HERC3: variants seen among roughly 807,000 people sequenced by gnomAD.
HERC3 encodes HECT and RLD domain containing E3 ubiquitin protein ligase 3.
In HERC3, 58 loss-of-function variants were observed where a neutral mutation model predicts 129.9. The ratio of observed to expected loss-of-function variants is 0.45; its 90% confidence interval spans 0.36 to 0.56. The LOEUF is 0.56. Ranked by LOEUF, HERC3 falls within the 20% of genes least tolerant of loss-of-function variation. The probability of loss-of-function intolerance (pLI) is 0.00; values close to 1 mark genes in which losing one functional copy is unlikely to be tolerated. For synonymous variants in HERC3, 430 were observed against 451.0 expected, an observed-to-expected ratio of 0.95 and a Z score of 0.59; for missense variants, 835 against 1,244.2, an observed-to-expected ratio of 0.67 and a Z score of 4.95.
At chr4:88,612,432 AGGT>A (rs1266896075) in intron 3 of HERC3, among the ~76,000 whole-genome samples, 1 of 152,052 alleles carries the variant, frequency 6.6e-6, no homozygotes, top group African/African-American at 2.4e-5. Context: ...GTTCTAGCTT[AGGT>A]GTGTCCATGA....
At position 88,708,465 on chromosome 4, in the gene HERC3, A is replaced by C. The variant is rs958198863; in HGVS notation, c.*1505A>C. ...CAGGATTAAAAATATATATACAGTT[A>C]TATGAAATGTTTATTTTCTATGTGT... is the stretch of plus-strand genomic sequence containing the variant. On this transcript the variant is annotated 3_prime_UTR_variant, in exon 26 of 26. Transcript: ENST00000402738. 5.9e-5 allele frequency: 9 copies of C among 152,626 alleles called. No homozygotes were observed. Among genetic ancestry groups the C allele is most frequent in the Admixed American group, 5.2e-4 (8 of 15,278 alleles). The allele number at this position is 152,626 out of a possible 1,614,324, so 9.5% of individuals were successfully genotyped here.
At chr4:88,572,637 C>T in the HERC3 span, among the ~76,000 whole-genome samples, 2 of 149,528 alleles carry the variant, frequency 1.3e-5, no homozygotes, top group Admixed American at 1.3e-4. Flanking sequence ...GGTGAAAACC[C>T]GTCTCTACTA....
At chr4:88,527,826 C>A in the HERC3 span, 1 of 326,980 alleles carries the variant, frequency 3.1e-6, no homozygotes, top group Non-Finnish European at 6.0e-6. Context: ...ACTTTGTTTA[C>A]GAACGGAAGC....
intron 23 of HERC3, among the ~76,000 whole-genome samples, chr4:88,699,485 G>T (rs1578350865): frequency 7.2e-6 from 1 of 139,842 alleles, no homozygotes; most frequent in Non-Finnish European, 1.5e-5. Context: ...CATCTTCTCT[G>T]CCTTCTTTCT....
chr4:88,568,959 T>G, the HERC3 span, among the ~76,000 whole-genome samples: 2 of 152,028 alleles, frequency 1.3e-5, no homozygotes, highest in Admixed American at 6.6e-5. Flanking sequence ...ACTCCCTTAG[T>G]CACCCCAGCT....
intron 21 of HERC3, among the ~76,000 whole-genome samples, chr4:88,686,194 ATTC>A (rs1359457800): frequency 2.0e-5 from 3 of 152,186 alleles, no homozygotes; most frequent in African/African-American, 7.2e-5. Flanking sequence ...GCCCAAGGCA[ATTC>A]TTCTTCCAAT....
chr4:88,697,066 T>C (rs1044557064), intron 23 of HERC3: 9 of 768,124 alleles, frequency 1.2e-5, no homozygotes, highest in Non-Finnish European at 1.8e-5. Context: ...TTTAATTTAA[T>C]CTATTTTAGG....
chr4:88,525,892 C>T, the HERC3 span, among the ~76,000 whole-genome samples: 5 of 152,234 alleles, frequency 3.3e-5, no homozygotes, highest in African/African-American at 7.2e-5. Context: ...TCCCTTTTCA[C>T]TATTCACATG....
intron 21 of HERC3, among the ~76,000 whole-genome samples, chr4:88,682,564 C>T (rs1404939144): frequency 2.0e-5 from 3 of 146,922 alleles, no homozygotes; most frequent in Non-Finnish European, 4.5e-5. Context: ...TGAGTGAGAA[C>T]ATGCAGTGTT....
At chr4:88,693,692 A>G in intron 23 of HERC3, 2 of 984,612 alleles carry the variant, frequency 2.0e-6, no homozygotes, top group Non-Finnish European at 2.4e-6. Context: ...GTCTATGTGT[A>G]TGCATTGAGT....
Position 88,708,399 on chromosome 4 carries a change from T to C in HERC3, c.*1439T>C, listed in dbSNP as rs1427623776. 6.6e-6 allele frequency: 1 copy of C among 152,636 alleles called. No individual in the cohort carries two copies. The highest frequency in any genetic ancestry group is 2.4e-5 in the African/African-American group (1 of 41,464). 9.5% of individuals were successfully genotyped at this position (152,636 alleles called of 1,614,324 possible). On this transcript the variant is annotated 3_prime_UTR_variant, in exon 26 of 26. Transcript: ENST00000402738. ...TTTTTCTTTTTGTTTTTAAAACTTA[T>C]TCCAATTGCTAAATTGGTAGTTTTT...
chr4:88,548,884 A>G, the HERC3 span, among the ~76,000 whole-genome samples: 3 of 151,908 alleles, frequency 2.0e-5, no homozygotes, highest in Non-Finnish European at 4.4e-5. Flanking sequence ...GATGATCTTG[A>G]TCTCCTGACC....
intron 23 of HERC3, among the ~76,000 whole-genome samples, chr4:88,689,284 T>C (rs1177291855): frequency 6.6e-6 from 1 of 151,570 alleles, no homozygotes; most frequent in Admixed American, 6.6e-5. Context: ...GTGGGTGAAT[T>C]GCTTGAGCTC....
At chr4:88,534,879 C>T in the HERC3 span, among the ~76,000 whole-genome samples, 1 of 151,992 alleles carries the variant, frequency 6.6e-6, no homozygotes, top group Non-Finnish European at 1.5e-5. Flanking sequence ...TCAAATAGTC[C>T]ATAGTGTAAA....
At chr4:88,638,036 T>C (rs2924352) in intron 3 of HERC3, among the ~76,000 whole-genome samples, 16,240 of 152,066 alleles carry the variant, frequency 0.11, 1,562 homozygotes, top group East Asian at 0.3. Flanking sequence ...AAGACTGAAG[T>C]ACAGGAAGAA....
chr4:88,546,329 G>A, the HERC3 span, among the ~76,000 whole-genome samples: 1 of 152,156 alleles, frequency 6.6e-6, no homozygotes, highest in Non-Finnish European at 1.5e-5. Flanking sequence ...CTGCACCTCT[G>A]TTGGTCAAAA....
intron 3 of HERC3, 118 bp from the exon 4 acceptor site, chr4:88,649,722 T>G (rs981052437): frequency 1.4e-4 from 102 of 747,466 alleles, no homozygotes; most frequent in Non-Finnish European, 1.9e-4. Flanking sequence ...CTATAAATAT[T>G]CAGATTAAGT....
the HERC3 span, among the ~76,000 whole-genome samples, chr4:88,562,139 A>G: frequency 2.0e-5 from 3 of 151,948 alleles, no homozygotes; most frequent in South Asian, 2.1e-4. Context: ...CTTTTTTTCT[A>G]CACCCTCACC....
intron 20 of HERC3, 24 bp from the exon 21 acceptor site, chr4:88,681,133 AAC>A: frequency 6.4e-7 from 1 of 1,561,676 alleles, no homozygotes; most frequent in African/African-American, 1.4e-5. Context: ...ATTTCTTTTT[AAC>A]ACATTTGTAT....
Sources: allele counts gnomAD v4.1 joint callset (sites outside exome capture counted in the v4.1 genomes callset), GRCh38; gene constraint gnomAD v4.1.1; transcripts MANE v1.5; gene names NCBI Gene and HGNC (gene_info 2026-07-23, HGNC 2026-07-21).